Variants in NCKAP5 observed in about 807,000 individuals in gnomAD.
The protein encoded by NCKAP5 is nck-associated protein 5.
Under a neutral mutation model 167.0 loss-of-function variants are expected in NCKAP5, and 92 were observed. The ratio of observed to expected loss-of-function variants is 0.55; its 90% CI spans 0.47 to 0.66. The LOEUF (loss-of-function observed/expected upper bound fraction) is 0.66. Ranked by LOEUF, NCKAP5 falls within the 30% of genes least tolerant of loss-of-function variation. The pLI, the probability that NCKAP5 is intolerant of heterozygous loss-of-function variation, is 0.00. For synonymous variants in NCKAP5, 891 were observed against 877.4 expected (o/e 1.02, Z -0.27); for missense variants, 2,378 against 2,315.0 (o/e 1.03, Z -0.56).
At chr2:133,246,013 G>A (rs957843215) in intron 4 of NCKAP5, among the ~76,000 whole-genome samples, 3 of 151,926 alleles carry the variant, frequency 2.0e-5, no homozygotes, top group East Asian at 3.9e-4. Context: ...GATTGAGAAA[G>A]AATCATGGTT....
intron 3 of NCKAP5, among the ~76,000 whole-genome samples, chr2:133,466,931 G>T (rs1692643866): frequency 6.6e-6 from 1 of 152,128 alleles, no homozygotes; most frequent in Admixed American, 6.5e-5. Context: ...GGGTTTTCTA[G>T]ATATACAATC....
At chr2:133,486,952 A>G (rs571573580) in intron 3 of NCKAP5, among the ~76,000 whole-genome samples, 5 of 152,254 alleles carry the variant, frequency 3.3e-5, no homozygotes, top group African/African-American at 1.2e-4. Context: ...GAAAGAAACA[A>G]TGACTCCAGC....
intron 16 of NCKAP5, among the ~76,000 whole-genome samples, chr2:132,766,050 AGTGG>A (rs554772611): frequency 5.5e-4 from 83 of 152,078 alleles, no homozygotes; most frequent in Admixed American, 2.0e-3. Context: ...GGGAGGCCAA[AGTGG>A]GTGGATCACG....
chr2:133,541,865 C>T (rs1686253824), intron 2 of NCKAP5, among the ~76,000 whole-genome samples: 1 of 151,980 alleles, frequency 6.6e-6, no homozygotes, highest in Admixed American at 6.6e-5. Context: ...TGCCCCAAAC[C>T]ACTTTGCAAA....
the NCKAP5 span, among the ~76,000 whole-genome samples, chr2:133,582,377 G>A: frequency 6.6e-6 from 1 of 152,192 alleles, no homozygotes; most frequent in African/African-American, 2.4e-5. Context: ...TGATCAGACT[G>A]GGGGAGTGTG....
intron 3 of NCKAP5, among the ~76,000 whole-genome samples, chr2:133,393,473 A>C (rs1003938318): frequency 2.6e-5 from 4 of 152,250 alleles, no homozygotes; most frequent in Non-Finnish European, 5.9e-5. Flanking sequence ...TTAATAAAAA[A>C]TTCTTGCAGT....
At chr2:133,360,609 A>T (rs1685033887) in intron 3 of NCKAP5, among the ~76,000 whole-genome samples, 2 of 152,114 alleles carry the variant, frequency 1.3e-5, no homozygotes, top group South Asian at 2.1e-4. Flanking sequence ...CATTGTCTTC[A>T]TGGGAGCCAA....
Position 132,785,392 on chromosome 2 carries a change from A to G in NCKAP5, c.1419T>C (p.Asp473=). The change falls in exon 14 of 20, where the codon GAT becomes GAC. Residue 473 remains aspartate, a synonymous_variant. Coordinates refer to ENST00000409261, the MANE Select transcript of NCKAP5 (RefSeq NM_207363.3). ...GGTCATCGTCCGCATCAACGTGGGA[A>G]TCTAGATCATAAACAAATGTCTTGT... ...EPHKTFVYDL[D]SHVDADDDPS... The G allele has an allele frequency of 6.2e-7, 1 of 1,613,962 alleles. No individual in the cohort carries two copies. The highest frequency in any genetic ancestry group is 8.5e-7 in the Non-Finnish European group (1 of 1,179,882).
chr2:133,434,480 C>T (rs934753281), intron 3 of NCKAP5, among the ~76,000 whole-genome samples: 4 of 152,206 alleles, frequency 2.6e-5, no homozygotes, highest in Admixed American at 2.0e-4. Context: ...TCTATCTTTA[C>T]TCGTTATATA....
intron 4 of NCKAP5, among the ~76,000 whole-genome samples, chr2:133,237,193 A>T (rs142921540): frequency 2.0e-5 from 3 of 152,178 alleles, no homozygotes; most frequent in Non-Finnish European, 4.4e-5. Flanking sequence ...GTACTTTGAT[A>T]CCTTGATTAA....
At position 132,782,640 on chromosome 2, in the gene NCKAP5, A is replaced by AG; in HGVS notation, c.4170dup (p.Phe1391LeufsTer20). 1 of 1,607,700 alleles carries AG rather than the reference A, an allele frequency of 6.2e-7. No homozygotes were observed. Among genetic ancestry groups the AG allele is most frequent in the Non-Finnish European group, 8.5e-7 (1 of 1,176,924 alleles). On this transcript the variant is annotated frameshift_variant, in exon 14 of 20. Coordinates refer to ENST00000409261, the MANE Select transcript of NCKAP5 (RefSeq NM_207363.3). LOFTEE classifies it high-confidence loss of function. ...GCACTGGGGCACTCTCCCTGGGTGA[A>AG]GGCCTGCTGGTCTTCCTTTCCAGGT... is the stretch of plus-strand genomic sequence containing the variant.
At chr2:132,960,193 C>T (rs142582159) in intron 8 of NCKAP5, among the ~76,000 whole-genome samples, 80 of 152,172 alleles carry the variant, frequency 5.3e-4, no homozygotes, top group African/African-American at 1.9e-3. Context: ...GCCCTGGAGG[C>T]GTTTTTAGGA....
chr2:133,637,150 A>G, the NCKAP5 span, among the ~76,000 whole-genome samples: 2,576 of 152,116 alleles, frequency 0.017, 76 homozygotes, highest in African/African-American at 0.058. Flanking sequence ...TTCTAAATCT[A>G]TCAAACCTAC....
intron 5 of NCKAP5, among the ~76,000 whole-genome samples, chr2:133,159,378 A>G (rs2083698257): frequency 6.6e-6 from 1 of 152,216 alleles, no homozygotes; most frequent in Non-Finnish European, 1.5e-5. Flanking sequence ...CCAAAACTTG[A>G]TTTCAGCCTT....
intron 6 of NCKAP5, among the ~76,000 whole-genome samples, chr2:133,074,777 T>C (rs1280159353): frequency 1.3e-5 from 2 of 152,064 alleles, no homozygotes; most frequent in East Asian, 3.9e-4. Context: ...TAAAGATGGA[T>C]GAATAGAAAT....
At chr2:133,472,888 T>C (rs984127693) in intron 3 of NCKAP5, among the ~76,000 whole-genome samples, 6 of 152,096 alleles carry the variant, frequency 3.9e-5, no homozygotes, top group Non-Finnish European at 7.4e-5. Flanking sequence ...TCTTTACATG[T>C]TGGATTGCTT....
At chr2:133,171,352 T>A (rs546244155) in intron 5 of NCKAP5, among the ~76,000 whole-genome samples, 1 of 152,042 alleles carries the variant, frequency 6.6e-6, no homozygotes, top group Non-Finnish European at 1.5e-5. Flanking sequence ...AATAAGCATG[T>A]TTTTTTTGTT....
At chr2:133,439,323 A>G (rs2151156144) in intron 3 of NCKAP5, among the ~76,000 whole-genome samples, 1 of 152,320 alleles carries the variant, frequency 6.6e-6, no homozygotes, top group South Asian at 2.1e-4. Context: ...TAAAGATGGG[A>G]CCAGATTGAA....
chr2:133,303,977 G>A (rs560226653), intron 3 of NCKAP5, among the ~76,000 whole-genome samples: 49 of 152,162 alleles, frequency 3.2e-4, no homozygotes, highest in Non-Finnish European at 5.7e-4. Flanking sequence ...TCTGTTTAGA[G>A]GTCTACCGTG....
Sources: allele counts gnomAD v4.1 joint callset (sites outside exome capture counted in the v4.1 genomes callset), GRCh38; gene constraint gnomAD v4.1.1; transcripts MANE v1.5; gene names NCBI Gene and HGNC (gene_info 2026-07-23, HGNC 2026-07-21).